Variants in ATP7A observed in about 807,000 individuals in gnomAD.
The protein encoded by ATP7A is ATPase copper transporting alpha.
Under a neutral mutation model 83.5 loss-of-function variants are expected in ATP7A, and 7 were observed. The ratio of observed to expected loss-of-function variants is 0.08; its 90% confidence interval spans 0.05 to 0.16. The LOEUF is 0.16. Among genes scored for constraint, ATP7A ranks in the 10% least tolerant of loss-of-function variants. The pLI, the probability that ATP7A is intolerant of heterozygous loss-of-function variation, is 1.00. For missense variants in ATP7A, 940 were observed against 1,120.8 expected, an observed-to-expected ratio of 0.84 and a Z score of 2.30; for synonymous variants, 354 against 395.2, an observed-to-expected ratio of 0.90 and a Z score of 1.24.
chrX:77,987,171 C>T (rs1192685029), intron 2 of ATP7A, among the ~76,000 whole-genome samples: 2 of 111,271 alleles, frequency 1.8e-5, no homozygotes, highest in Admixed American at 1.9e-4. Context: ...TCCTATTGTT[C>T]CTGTGACATG....
chrX:78,020,850 A>G (rs1429132092), intron 13 of ATP7A, 95 bp from the exon 14 acceptor site: 12 of 969,230 alleles, frequency 1.2e-5, no homozygotes, highest in South Asian at 1.0e-4. Flanking sequence ...AAATATTTCT[A>G]TTTGTGCTAA....
intron 1 of ATP7A, chrX:77,964,397 G>T (rs1557228435): frequency 9.0e-6 from 1 of 111,147 alleles, no homozygotes; most frequent in Admixed American, 9.5e-5. Flanking sequence ...GAATAGTTTT[G>T]TTTAGCATAT....
intron 1 of ATP7A, among the ~76,000 whole-genome samples, chrX:77,950,620 A>G (rs1428483604): frequency 4.5e-5 from 5 of 111,629 alleles, no homozygotes; most frequent in Non-Finnish European, 9.4e-5. Context: ...AAAAGTTATT[A>G]GTGAGGTGCA....
chrX:77,987,527 G>A (rs1227105994), intron 2 of ATP7A, among the ~76,000 whole-genome samples: 1 of 105,609 alleles, frequency 9.5e-6, no homozygotes, highest in African/African-American at 3.5e-5. Flanking sequence ...CCAAAGAGAT[G>A]CAATCATGAC....
At position 78,045,397 on chromosome X, in the gene ATP7A, G is replaced by A. The variant is rs187418701; in HGVS notation, c.4124-73G>A. The A allele has an allele frequency of 7.0e-4, 602 of 855,139 alleles. 1 individual carries two copies. The highest frequency in any genetic ancestry group is 9.6e-4 in the Non-Finnish European group (559 of 580,435). The allele number at this position is 855,139 out of a possible 1,213,427, so 70.5% of individuals were successfully genotyped here. ...GAAGTATCAAACAAAGAAATGATTTGTATGTATGTTAGAAACACATTAATA... is the reference window on the plus strand; with the variant it reads ...GAAGTATCAAACAAAGAAATGATTTATATGTATGTTAGAAACACATTAATA... On this transcript the variant is annotated intron_variant, in intron 21 of 22. Coordinates refer to ENST00000341514, the MANE Select transcript of ATP7A (RefSeq NM_000052.7).
chrX:77,938,348 G>A (rs2077332164), intron 1 of ATP7A, among the ~76,000 whole-genome samples: 1 of 112,636 alleles, frequency 8.9e-6, no homozygotes, highest in Non-Finnish European at 1.9e-5. Context: ...TGCGGTTCAG[G>A]CAGCCTGGGA....
rs782401381 is a variant in ATP7A at position 78,031,372 on chromosome X, A to T, written c.3112-28A>T. ...TGGAAAGGTGATGTGGAGGATCATCAAGTCATTGTATCTTAATTTTTTTAC... is the reference window on the plus strand; with the variant it reads ...TGGAAAGGTGATGTGGAGGATCATCTAGTCATTGTATCTTAATTTTTTTAC... On this transcript the variant is annotated intron_variant, in intron 15 of 22. Coordinates refer to ENST00000341514, the MANE Select transcript of ATP7A (RefSeq NM_000052.7). 18 of 1,178,803 alleles carry T rather than the reference A, an allele frequency of 1.5e-5. No individual in the cohort carries two copies. The South Asian group carries it at 3.0e-4, about 20-fold the overall frequency.
At chrX:77,971,944 A>G (rs1288865191) in intron 2 of ATP7A, among the ~76,000 whole-genome samples, 183 bp downstream of exon 2, 1 of 111,900 alleles carries the variant, frequency 8.9e-6, no homozygotes, top group Non-Finnish European at 1.9e-5. Flanking sequence ...AAGAAAAAAG[A>G]TATATTTTCA....
Position 78,029,403 on chromosome X carries a change from A to G in ATP7A, c.3070A>G (p.Ile1024Val), listed in dbSNP as rs1341604631. The G allele has an allele frequency of 8.3e-6, 10 of 1,209,692 alleles. No homozygotes were observed. Among genetic ancestry groups the G allele is most frequent in the Non-Finnish European group, 1.0e-5 (9 of 895,099 alleles). The change falls in exon 15 of 23, where the codon ATA becomes GTA. Residue 1024 changes from isoleucine (I) to valine (V), a missense_variant. Ile to Val is a conservative substitution (Grantham distance 29). Coordinates refer to ENST00000341514, the MANE Select transcript of ATP7A (RefSeq NM_000052.7). ...TACAGGAGTAGGTGCTCAAAATGGC[A>G]TACTAATAAAAGGTGGAGAGCCATT... ...VGTGVGAQNG[I>V]LIKGGEPLEM...
intron 19 of ATP7A, among the ~76,000 whole-genome samples, 169 bp downstream of exon 19, chrX:78,040,902 G>C (rs187128436): frequency 1.2e-4 from 14 of 112,218 alleles, no homozygotes; most frequent in Non-Finnish European, 2.4e-4. Context: ...TTTGGGCTTT[G>C]TGTGTTGCTG....
intron 1 of ATP7A, chrX:77,966,760 T>C (rs1162991188): frequency 3.0e-6 from 1 of 328,979 alleles, no homozygotes; most frequent in Non-Finnish European, 5.9e-6. Flanking sequence ...CTGAACTGGA[T>C]ACCTTAAAAG....
At chrX:77,963,384 C>T (rs2077484726) in intron 1 of ATP7A, 1 of 111,805 alleles carries the variant, frequency 8.9e-6, no homozygotes, top group Admixed American at 9.5e-5. Flanking sequence ...ACATAGCATT[C>T]ACTAAATGTT....
At chrX:77,925,149 A>C (rs1018728059) in intron 1 of ATP7A, among the ~76,000 whole-genome samples, 2 of 112,129 alleles carry the variant, frequency 1.8e-5, no homozygotes, top group Non-Finnish European at 3.8e-5. Context: ...AAAAATAAGA[A>C]TGTTATGAAA....
intron 5 of ATP7A, among the ~76,000 whole-genome samples, chrX:77,999,826 C>A (rs958592179): frequency 1.7e-4 from 18 of 108,524 alleles, no homozygotes; most frequent in Non-Finnish European, 3.2e-4. Flanking sequence ...ATCTCTTGAA[C>A]CTGAGAGGCG....
At chrX:77,999,020 C>T (rs1316812054) in intron 5 of ATP7A, among the ~76,000 whole-genome samples, 44 of 105,668 alleles carry the variant, frequency 4.2e-4, no homozygotes, top group Non-Finnish European at 3.5e-4. Context: ...TTTTTGAGAC[C>T]GAGTCTTGCT....
intron 1 of ATP7A, among the ~76,000 whole-genome samples, chrX:77,966,054 A>G (rs2077503414): frequency 8.9e-6 from 1 of 112,072 alleles, no homozygotes; most frequent in South Asian, 3.7e-4. Flanking sequence ...GGTGATGAAA[A>G]TGTTCTGAAA....
chrX:77,996,213 T>C (rs1032720798), intron 4 of ATP7A, among the ~76,000 whole-genome samples: 2 of 111,700 alleles, frequency 1.8e-5, no homozygotes, highest in Non-Finnish European at 3.8e-5. Context: ...CACACACACA[T>C]ACATACATTT....
chrX:78,011,332 T>C (rs2077823719), intron 8 of ATP7A, 80 bp downstream of exon 8: 1 of 1,068,461 alleles, frequency 9.4e-7, no homozygotes, highest in Non-Finnish European at 1.3e-6. Context: ...GTTTTTATAA[T>C]ATCATCCTTA....
chrX:78,000,304 C>G (rs1557233009), intron 5 of ATP7A, among the ~76,000 whole-genome samples: 7 of 110,689 alleles, frequency 6.3e-5, no homozygotes, highest in Non-Finnish European at 5.7e-5. Context: ...AGGGAGGTTG[C>G]CAAGCAAATG....
Sources: allele counts gnomAD v4.1 joint callset (sites outside exome capture counted in the v4.1 genomes callset), GRCh38; gene constraint gnomAD v4.1.1; transcripts MANE v1.5; gene names NCBI Gene and HGNC (gene_info 2026-07-23, HGNC 2026-07-21).